SH3KBP1: variants seen among roughly 807,000 people sequenced by gnomAD.
SH3KBP1 encodes SH3 domain containing kinase binding protein 1.
Under a neutral mutation model 50.1 loss-of-function variants are expected in SH3KBP1, and 8 were observed. The ratio of observed to expected loss-of-function variants is 0.16; its 90% CI spans 0.09 to 0.29. The LOEUF (loss-of-function observed/expected upper bound fraction) is 0.29, where lower values mean the gene tolerates loss of function less well. SH3KBP1 is among the 10% of genes least tolerant of loss of function. The pLI, the probability that SH3KBP1 is intolerant of heterozygous loss-of-function variation, is 1.00. For synonymous variants in SH3KBP1, 227 were observed against 218.6 expected, an observed-to-expected ratio of 1.04 and a Z score of -0.34; for missense variants, 377 against 535.2, an observed-to-expected ratio of 0.70 and a Z score of 2.92.
intron 2 of SH3KBP1, among the ~76,000 whole-genome samples, chrX:19,800,895 A>G (rs2066870613): frequency 9.0e-6 from 1 of 111,320 alleles, no homozygotes; most frequent in Non-Finnish European, 1.9e-5. Context: ...AACATAAAAA[A>G]GGCCCCCAAG....
At chrX:19,629,186 T>G (rs759780751) in intron 8 of SH3KBP1, among the ~76,000 whole-genome samples, 1 of 108,757 alleles carries the variant, frequency 9.2e-6, no homozygotes, top group East Asian at 2.9e-4. Context: ...GAACATGGTC[T>G]GAGTCAAGTT....
intron 2 of SH3KBP1, among the ~76,000 whole-genome samples, chrX:19,799,974 T>G (rs2066849037): frequency 9.0e-6 from 1 of 111,296 alleles, no homozygotes; most frequent in Admixed American, 9.6e-5. Flanking sequence ...AGCCACCTAA[T>G]TAGGAAGAAG....
At position 19,588,818 on chromosome X, in the gene SH3KBP1, T is replaced by A; in HGVS notation, c.1139-16A>T. On this transcript the variant is annotated splice_polypyrimidine_tract_variant and intron_variant, in intron 11 of 17. Transcript: ENST00000397821. ...TCTGGTCTTTCTTTAAATCATTGTT[T>A]AAAGAAAACAGATAGATCGAGTGTA... is the stretch of plus-strand genomic sequence containing the variant. 1 of 1,115,365 alleles carries A rather than the reference T, an allele frequency of 9.0e-7. No homozygotes were observed. Among genetic ancestry groups the A allele is most frequent in the Non-Finnish European group, 1.2e-6 (1 of 844,311 alleles). The allele number at this position is 1,115,365 out of a possible 1,213,427, so 91.9% of individuals were successfully genotyped here.
intron 5 of SH3KBP1, among the ~76,000 whole-genome samples, chrX:19,685,886 C>A (rs1296389545): frequency 9.0e-6 from 1 of 111,525 alleles, no homozygotes; most frequent in Non-Finnish European, 1.9e-5. Context: ...GGCAGCAGGG[C>A]AAACAGATTA....
intron 1 of SH3KBP1, among the ~76,000 whole-genome samples, chrX:19,879,172 G>A (rs1006425499): frequency 3.6e-5 from 4 of 112,471 alleles, no homozygotes; most frequent in Non-Finnish European, 5.6e-5. Flanking sequence ...TTGAGCCTGG[G>A]AGGTCGAGGC....
At chrX:19,608,079 G>A (rs201465363) in intron 8 of SH3KBP1, 34 bp from the exon 9 acceptor site, 11 of 1,131,384 alleles carry the variant, frequency 9.7e-6, no homozygotes, top group Non-Finnish European at 1.2e-5. Flanking sequence ...TGAGAGATGG[G>A]GGCAAGCAGC....
intron 12 of SH3KBP1, among the ~76,000 whole-genome samples, chrX:19,580,627 A>G (rs191600879): frequency 3.3e-3 from 365 of 112,006 alleles, no homozygotes; most frequent in Non-Finnish European, 4.8e-3. Context: ...CTACTGAGTT[A>G]GAAACCTGGG....
intron 14 of SH3KBP1, among the ~76,000 whole-genome samples, chrX:19,548,334 G>A (rs1346682868): frequency 2.7e-5 from 3 of 111,667 alleles, no homozygotes; most frequent in African/African-American, 9.8e-5. Flanking sequence ...AATTTGGAAG[G>A]AAGACAAAAA....
At chrX:19,866,446 G>A (rs749237992) in intron 1 of SH3KBP1, among the ~76,000 whole-genome samples, 29 of 111,312 alleles carry the variant, frequency 2.6e-4, no homozygotes, top group African/African-American at 8.2e-4. Context: ...GCTCATGCCT[G>A]TAATTGCAGC....
At chrX:19,702,265 T>C (rs1205870308) in intron 4 of SH3KBP1, among the ~76,000 whole-genome samples, 4 of 111,973 alleles carry the variant, frequency 3.6e-5, no homozygotes, top group African/African-American at 9.7e-5. Flanking sequence ...GGGCAAAAAA[T>C]GACATGAGGA....
At chrX:19,647,980 C>T in intron 6 of SH3KBP1, 1 of 368,161 alleles carries the variant, frequency 2.7e-6, no homozygotes, top group South Asian at 2.4e-5. Context: ...TAATCAAATG[C>T]CTTTTCTTGG....
intron 1 of SH3KBP1, among the ~76,000 whole-genome samples, chrX:19,865,264 G>A (rs1046296397): frequency 1.8e-5 from 2 of 112,370 alleles, no homozygotes; most frequent in South Asian, 3.7e-4. Context: ...CGGCCTTGGT[G>A]GTGTTCTTTA....
At chrX:19,735,001 T>C (rs991275045) in intron 3 of SH3KBP1, among the ~76,000 whole-genome samples, 2 of 112,260 alleles carry the variant, frequency 1.8e-5, no homozygotes, top group Non-Finnish European at 3.8e-5. Context: ...TGGACATATA[T>C]GTTTTCATTT....
At chrX:19,782,038 A>G (rs2091237459) in intron 2 of SH3KBP1, among the ~76,000 whole-genome samples, 1 of 111,889 alleles carries the variant, frequency 8.9e-6, no homozygotes, top group African/African-American at 3.3e-5. Context: ...ATATGTCAAC[A>G]TTCTAATTCC....
intron 13 of SH3KBP1, among the ~76,000 whole-genome samples, chrX:19,566,286 C>T (rs1333881300): frequency 4.6e-5 from 5 of 107,915 alleles, no homozygotes; most frequent in Non-Finnish European, 9.6e-5. Flanking sequence ...GCATGAAAAG[C>T]TTCTATAGGT....
At chrX:19,572,032 T>G (rs187578302) in intron 12 of SH3KBP1, among the ~76,000 whole-genome samples, 3 of 110,513 alleles carry the variant, frequency 2.7e-5, no homozygotes, top group East Asian at 5.6e-4. Flanking sequence ...GGAGCTGCTG[T>G]TTCCCTCTGC....
At chrX:19,670,528 C>A (rs2062761346) in intron 6 of SH3KBP1, 2 of 192,096 alleles carry the variant, frequency 1.0e-5, no homozygotes, top group African/African-American at 6.2e-5. Flanking sequence ...CTAAATTTCT[C>A]TCTGCAATAT....
intron 9 of SH3KBP1, 74 bp downstream of exon 9, chrX:19,607,864 C>A (rs754500650): frequency 2.4e-4 from 208 of 871,751 alleles, no homozygotes; most frequent in Non-Finnish European, 3.4e-4. Context: ...TTCAACATTA[C>A]ACCAAACTTC....
At chrX:19,788,526 A>C (rs184565272) in intron 2 of SH3KBP1, among the ~76,000 whole-genome samples, 58 of 111,088 alleles carry the variant, frequency 5.2e-4, no homozygotes, top group Admixed American at 2.1e-3. Context: ...ATAAATTTCC[A>C]CTGGTTAAGC....
Sources: gnomAD v4.1 joint callset for allele counts (sites outside exome capture counted in the v4.1 genomes callset) on GRCh38, gnomAD v4.1.1 for gene constraint, MANE v1.5 for transcripts, NCBI Gene and HGNC (gene_info 2026-07-23, HGNC 2026-07-21) for gene names.